Variants in DERL2 observed in about 807,000 individuals in gnomAD.
DERL2 encodes derlin-2.
A neutral mutation model predicts 32.0 loss-of-function variants in DERL2; 13 were observed. The observed-to-expected ratio is 0.41, with a 90% confidence interval of 0.26 to 0.65. The LOEUF (loss-of-function observed/expected upper bound fraction) is 0.65, where lower values mean the gene tolerates loss of function less well. Among genes scored for constraint, DERL2 ranks in the 30% least tolerant of loss-of-function variants. The pLI is 0.35. For synonymous variants in DERL2, 111 were observed against 104.7 expected (o/e 1.06, Z -0.37); for missense variants, 208 against 296.3 (o/e 0.70, Z 2.19).
chr17:5,486,277 G>T, upstream of DERL2: 1 of 813,006 alleles, frequency 1.2e-6, no homozygotes. Flanking sequence ...TCCCGCGACT[G>T]CCCAATCAAC....
chr17:5,471,594 G>A lies in DERL2; in HGVS notation c.*3090C>T, dbSNP rs1905129995. On this transcript the variant is annotated 3_prime_UTR_variant, in exon 7 of 7. Transcript: ENST00000158771. Reference sequence around the variant, plus strand: ...TGAGGTCCCTGTTAGGTAGAAGTGGGAGTAAAGTTAAGAAAAAAACAAGTA... The same window carrying A: ...TGAGGTCCCTGTTAGGTAGAAGTGGAAGTAAAGTTAAGAAAAAAACAAGTA... 6.6e-6 allele frequency: 1 copy of A among 152,138 alleles called. No individual in the cohort carries two copies. The highest frequency in any genetic ancestry group is 2.1e-4 in the South Asian group (1 of 4,832). 9.4% of individuals were successfully genotyped at this position (152,138 alleles called of 1,614,324 possible).
At chr17:5,478,463 T>C (rs1239493627) in intron 6 of DERL2, among the ~76,000 whole-genome samples, 1 of 152,202 alleles carries the variant, frequency 6.6e-6, no homozygotes, top group Non-Finnish European at 1.5e-5. Context: ...ACTATTCAAC[T>C]AGGAAAGGGT....
intron 6 of DERL2, among the ~76,000 whole-genome samples, chr17:5,475,123 A>G (rs1905301118): frequency 6.6e-6 from 1 of 152,236 alleles, no homozygotes; most frequent in African/African-American, 2.4e-5. Context: ...GTCATTTTAC[A>G]AAAGTTAGAT....
intron 6 of DERL2, among the ~76,000 whole-genome samples, chr17:5,477,054 T>C (rs1274158700): frequency 1.3e-5 from 2 of 152,048 alleles, no homozygotes; most frequent in African/African-American, 4.8e-5. Context: ...TGGTTACATA[T>C]GAGGGGTAAT....
Position 5,486,151 on chromosome 17 carries a change from T to A in DERL2, c.11A>T (p.Gln4Leu). 1 of 1,608,934 alleles carries A rather than the reference T, an allele frequency of 6.2e-7. No individual in the cohort carries two copies. Among genetic ancestry groups the A allele is most frequent in the Non-Finnish European group, 8.5e-7 (1 of 1,177,756 alleles). The stretch of plus-strand genomic sequence containing the variant: ...CTGCAGGTACTCCAGCCGCAAGCTC[T>A]GGTACGCCATCTTCCCCACCGTCGC... MAY[Q>L]SLRLEYLQIP... The change falls in exon 1 of 7, where the codon CAG becomes CTG. Residue 4 changes from glutamine (Q) to leucine (L), a missense_variant. By Grantham distance (113) the Gln-to-Leu change is moderately radical. This residue lies in a region of DERL2 where 44 missense variants were observed against 42.3 expected (regional missense o/e 1.04). Transcript: ENST00000158771.
chr17:5,484,835 G>A (rs1221968496), intron 2 of DERL2, among the ~76,000 whole-genome samples: 1 of 152,196 alleles, frequency 6.6e-6, no homozygotes, highest in Non-Finnish European at 1.5e-5. Flanking sequence ...CTAAACCAGT[G>A]ATTTCCAAAT....
intron 2 of DERL2, among the ~76,000 whole-genome samples, chr17:5,483,327 TC>T (rs1905926777): frequency 1.3e-5 from 2 of 150,648 alleles, no homozygotes; most frequent in Non-Finnish European, 2.9e-5. Flanking sequence ...AAAGGAAAAT[TC>T]TTTTTTTTTA....
At chr17:5,483,442 G>A (rs990484461) in intron 2 of DERL2, among the ~76,000 whole-genome samples, 4 of 151,204 alleles carry the variant, frequency 2.6e-5, no homozygotes, top group African/African-American at 9.7e-5. Flanking sequence ...GCCTCCCAAA[G>A]TGCTGGGATT....
chr17:5,485,755 C>A (rs943355119), intron 1 of DERL2: 1 of 322,794 alleles, frequency 3.1e-6, no homozygotes, highest in Non-Finnish European at 5.6e-6. Context: ...CACTAGTCAC[C>A]ATGGTACCAC....
chr17:5,482,501 G>A (rs569840053), intron 3 of DERL2: 2 of 221,556 alleles, frequency 9.0e-6, no homozygotes, highest in African/African-American at 2.4e-5. Context: ...GTTGTTTTAC[G>A]GCTTCGAACC....
chr17:5,483,449 G>A (rs1905938147), intron 2 of DERL2, among the ~76,000 whole-genome samples: 1 of 151,680 alleles, frequency 6.6e-6, no homozygotes, highest in South Asian at 2.1e-4. Flanking sequence ...AAAGTGCTGG[G>A]ATTACAGGCG....
Position 5,485,208 on chromosome 17 carries a change from T to C in DERL2, c.102A>G (p.Glu34=). 1 of 1,587,600 alleles carries C rather than the reference T, an allele frequency of 6.3e-7. No homozygotes were observed. Among genetic ancestry groups the C allele is most frequent in the Non-Finnish European group, 8.5e-7 (1 of 1,170,012 alleles). ...CVLTTAAVQL[E]LITPFQLYFN... ...AGTACAACTGAAAAGGTGTGATCAATTCCAACTGCTGAAATAGAAAAAGAG... is the reference window on the plus strand; with the variant it reads ...AGTACAACTGAAAAGGTGTGATCAACTCCAACTGCTGAAATAGAAAAAGAG... Residue 34 remains glutamate, a synonymous_variant, in exon 2 of 7, where the codon GAA becomes GAG. Transcript: ENST00000158771.
Position 5,486,110 on chromosome 17 carries a change from G to C in DERL2, c.52C>G (p.Arg18Gly). The C allele has an allele frequency of 1.2e-6, 2 of 1,610,872 alleles. No individual in the cohort carries two copies. The highest frequency in any genetic ancestry group is 1.7e-6 in the Non-Finnish European group (2 of 1,178,738). Reference protein sequence around the residue: ...LEYLQIPPVSRAYTTACVLTT... With the variant: ...LEYLQIPPVSGAYTTACVLTT... ...AGGACGCAGGCAGTGGTGTAGGCGCGGCTGACCGGTGGGATCTGCAGGTAC... is the reference window on the plus strand; with the variant it reads ...AGGACGCAGGCAGTGGTGTAGGCGCCGCTGACCGGTGGGATCTGCAGGTAC... Residue 18 changes from arginine (R) to glycine (G), a missense_variant, in exon 1 of 7, where the codon CGC (arginine) becomes GGC (glycine). Coordinates refer to ENST00000158771, the MANE Select transcript of DERL2 (RefSeq NM_016041.5).
At chr17:5,478,504 T>C (rs551480145) in intron 6 of DERL2, among the ~76,000 whole-genome samples, 1 of 152,352 alleles carries the variant, frequency 6.6e-6, no homozygotes, top group Admixed American at 6.5e-5. Flanking sequence ...TTGATTAGGA[T>C]GTGGGGAAAT....
At chr17:5,485,712 A>T (rs1278544095) in intron 1 of DERL2, among the ~76,000 whole-genome samples, 1 of 151,962 alleles carries the variant, frequency 6.6e-6, no homozygotes, top group African/African-American at 2.4e-5. Context: ...TGCTTTCCCC[A>T]TTCCTGTTTC....
intron 6 of DERL2, among the ~76,000 whole-genome samples, chr17:5,479,352 A>G (rs955119554): frequency 2.0e-5 from 3 of 152,150 alleles, no homozygotes; most frequent in African/African-American, 7.2e-5. Flanking sequence ...CAAACATTTT[A>G]TAACAAAAAC....
chr17:5,482,754 ATTT>A, intron 3 of DERL2, 52 bp downstream of exon 3: 1 of 1,039,706 alleles, frequency 9.6e-7, no homozygotes, highest in Non-Finnish European at 1.4e-6. Flanking sequence ...TTTCAACTTA[ATTT>A]TTTACTTCCT....
rs915097074 is a variant in DERL2, at chr17:5,471,421, G to C, written c.*3263C>G. On this transcript the variant is annotated 3_prime_UTR_variant, in exon 7 of 7. Coordinates refer to ENST00000158771, the MANE Select transcript of DERL2 (RefSeq NM_016041.5). ...CATGTACCAGCTAGGAACAGTACAA[G>C]ACAATATATAATTTGGCGTTAAGAA... 4 of 152,174 alleles carry C rather than the reference G, an allele frequency of 2.6e-5. No homozygotes were observed. The highest frequency in any genetic ancestry group is 1.9e-4 in the East Asian group (1 of 5,196). 9.4% of individuals were successfully genotyped at this position (152,174 alleles called of 1,614,324 possible).
Position 5,474,459 on chromosome 17 carries a change from T to C in DERL2, c.*225A>G, listed in dbSNP as rs9023. ...GCAGGATATTTGTTTCTCCAGTTTT[T>C]TGGCTCTAAGAAATTACACTTTCAG... On this transcript the variant is annotated 3_prime_UTR_variant, in exon 7 of 7. Coordinates refer to ENST00000158771, the MANE Select transcript of DERL2 (RefSeq NM_016041.5). The surrounding 1 kb of genome is among the most constrained non-coding windows in gnomAD (Gnocchi z 4.3). 2,229 of 427,902 alleles carry C rather than the reference T, an allele frequency of 5.2e-3. 51 individuals carry two copies. The highest frequency in any genetic ancestry group is 0.042 in the African/African-American group (2,031 of 48,332). 26.5% of individuals were successfully genotyped at this position (427,902 alleles called of 1,614,324 possible).
Sources: allele counts gnomAD v4.1 joint callset (sites outside exome capture counted in the v4.1 genomes callset), GRCh38; gene constraint gnomAD v4.1.1; regional missense constraint gnomAD v4.1.1; non-coding constraint Gnocchi (gnomAD v3.1); transcripts MANE v1.5; gene names NCBI Gene and HGNC (gene_info 2026-07-23, HGNC 2026-07-21).